LCORL: variants seen among roughly 807,000 people sequenced by gnomAD.
LCORL encodes the protein ligand dependent nuclear receptor corepressor like, also known as ligand-dependent nuclear receptor corepressor-like protein.
A neutral mutation model predicts 141.8 loss-of-function variants in LCORL; 41 were observed. The observed-to-expected ratio is 0.29, with a 90% CI of 0.23 to 0.38. The LOEUF (loss-of-function observed/expected upper bound fraction) is 0.38, where lower values mean the gene tolerates loss of function less well. LCORL is among the 10% of genes least tolerant of loss of function. The pLI is 1.00. For synonymous variants in LCORL, 618 were observed against 694.1 expected (o/e 0.89, Z 1.72); for missense variants, 1,759 against 2,035.0 (o/e 0.86, Z 2.61).
intron 4 of LCORL, among the ~76,000 whole-genome samples, chr4:17,947,805 C>A (rs1237514994): frequency 1.3e-5 from 2 of 151,932 alleles, no homozygotes; most frequent in African/African-American, 4.8e-5. Context: ...GTTTTAGTTT[C>A]TTATTATCCT....
intron 7 of LCORL, among the ~76,000 whole-genome samples, chr4:17,852,121 C>T (rs776316754): frequency 3.9e-5 from 6 of 152,122 alleles, no homozygotes; most frequent in Non-Finnish European, 7.4e-5. Context: ...AATGCTATGT[C>T]ATCAGATTTA....
chr4:17,969,439 T>C (rs1456512303), intron 2 of LCORL, among the ~76,000 whole-genome samples: 1 of 152,106 alleles, frequency 6.6e-6, no homozygotes, highest in Non-Finnish European at 1.5e-5. Context: ...CTCAAAACAC[T>C]AGCGTGTAAG....
At chr4:17,961,860 A>G in intron 4 of LCORL, 43 bp downstream of exon 4, 1 of 1,561,860 alleles carries the variant, frequency 6.4e-7, no homozygotes, top group African/African-American at 1.4e-5. Context: ...AACATTTTAC[A>G]TCTCTATTGC....
chr4:17,877,129 G>C (rs1466284296), exon 7 of LCORL: 1 of 1,230,720 alleles, frequency 8.1e-7, no homozygotes, highest in East Asian at 3.2e-5. Flanking sequence ...CTAAACATGG[G>C]TGAATCAGAG....
chr4:17,844,366 CTGTT>C (rs1236900333), exon 8 of LCORL: 4 of 152,338 alleles, frequency 2.6e-5, no homozygotes, highest in Non-Finnish European at 4.4e-5. Context: ...TAACATGGAT[CTGTT>C]TGTTTTAATA....
At chr4:17,914,268 G>C (rs1341251114) in intron 4 of LCORL, among the ~76,000 whole-genome samples, 1 of 152,152 alleles carries the variant, frequency 6.6e-6, no homozygotes, top group East Asian at 1.9e-4. Context: ...ATTTAAAGGA[G>C]ATACCAGCTT....
chr4:17,851,530 T>G (rs936617639), intron 7 of LCORL, among the ~76,000 whole-genome samples: 2 of 152,238 alleles, frequency 1.3e-5, no homozygotes, highest in African/African-American at 4.8e-5. Flanking sequence ...CAATGAATAC[T>G]CAATTCTTTT....
intron 1 of LCORL, among the ~76,000 whole-genome samples, chr4:17,981,222 T>A (rs1009862244): frequency 5.3e-5 from 8 of 152,200 alleles, no homozygotes; most frequent in African/African-American, 1.2e-4. Context: ...TAGAAATCTT[T>A]AAGTGGGATT....
At chr4:17,947,921 G>C (rs1739139528) in intron 4 of LCORL, among the ~76,000 whole-genome samples, 1 of 151,848 alleles carries the variant, frequency 6.6e-6, no homozygotes, top group Admixed American at 6.6e-5. Flanking sequence ...GTAATGAAAA[G>C]AAAAACAGGA....
chr4:17,893,519 C>T, intron 5 of LCORL: 1 of 985,286 alleles, frequency 1.0e-6, no homozygotes, highest in Non-Finnish European at 1.2e-6. Flanking sequence ...GTGTTTTGTG[C>T]ACAGGTAGAT....
chr4:17,989,569 T>C (rs1719607885), intron 1 of LCORL, among the ~76,000 whole-genome samples: 1 of 152,176 alleles, frequency 6.6e-6, no homozygotes, highest in Non-Finnish European at 1.5e-5. Context: ...CTCCCAAACT[T>C]TTGGAACACA....
chr4:17,967,965 C>G (rs1715240035), intron 2 of LCORL, among the ~76,000 whole-genome samples: 1 of 151,832 alleles, frequency 6.6e-6, no homozygotes. Context: ...TCAAGCGATT[C>G]TCCTGCCTCA....
chr4:17,875,323 T>G lies in LCORL; in HGVS notation c.3667A>C (p.Lys1223Gln), dbSNP rs902720071. The G allele has an allele frequency of 2.2e-4, 274 of 1,231,382 alleles. 1 individual carries two copies. The highest frequency in any genetic ancestry group is 2.5e-4 in the Admixed American group (6 of 23,626). 76.3% of individuals were successfully genotyped at this position (1,231,382 alleles called of 1,614,324 possible). ...TTGGAAGGCTGAGGTATCACAGATTTGTTCTTGATGGGTCTCACATATTCA... is the reference window on the plus strand; with the variant it reads ...TTGGAAGGCTGAGGTATCACAGATTGGTTCTTGATGGGTCTCACATATTCA... The change falls in exon 7 of 8, where the codon AAA (lysine) becomes CAA (glutamine). Residue 1223 changes from lysine (K) to glutamine (Q), a missense_variant. Lys to Gln is a moderately conservative substitution (Grantham distance 53, BLOSUM62 1). Coordinates refer to ENST00000635767, the Ensembl canonical transcript of LCORL.
chr4:17,902,588 T>C (rs1368184219), intron 5 of LCORL, among the ~76,000 whole-genome samples: 1 of 152,152 alleles, frequency 6.6e-6, no homozygotes, highest in South Asian at 2.1e-4. Context: ...TAATTAAGCA[T>C]ACATAACATC....
At chr4:17,875,283 G>A (rs949556850) in exon 7 of LCORL, 16 of 1,231,286 alleles carry the variant, frequency 1.3e-5, no homozygotes, top group Non-Finnish European at 1.6e-5. Flanking sequence ...CTTCTGATTT[G>A]GTCGAATAAT....
At chr4:18,018,883 A>AT (rs1725049576) in intron 1 of LCORL, among the ~76,000 whole-genome samples, 1 of 152,130 alleles carries the variant, frequency 6.6e-6, no homozygotes, top group African/African-American at 2.4e-5. Flanking sequence ...ATATACACAT[A>AT]TGTGTACGCA....
intron 5 of LCORL, among the ~76,000 whole-genome samples, chr4:17,887,863 AT>A (rs1424212166): frequency 6.6e-6 from 1 of 152,064 alleles, no homozygotes; most frequent in Non-Finnish European, 1.5e-5. Context: ...CACACTTGGA[AT>A]TGGTTTCCTC....
chr4:17,923,001 C>CA (rs1182982635), intron 4 of LCORL, among the ~76,000 whole-genome samples: 1 of 152,154 alleles, frequency 6.6e-6, no homozygotes, highest in Non-Finnish European at 1.5e-5. Flanking sequence ...AAGACAGTGA[C>CA]GATTCTCCTC....
At chr4:17,877,187 C>T (rs1447332862) in exon 7 of LCORL, 1 of 1,230,264 alleles carries the variant, frequency 8.1e-7, no homozygotes, top group African/African-American at 1.6e-5. Context: ...GAAATCTTGT[C>T]TGAATAATTT....
Sources: gnomAD v4.1 joint callset for allele counts (sites outside exome capture counted in the v4.1 genomes callset) on GRCh38, gnomAD v4.1.1 for gene constraint, MANE v1.5 for transcripts, NCBI Gene and HGNC (gene_info 2026-07-23, HGNC 2026-07-21) for gene names.